LIPK: variants seen among roughly 807,000 people sequenced by gnomAD.
LIPK encodes lipase family member K.
LIPK carries 32 observed loss-of-function variants against 48.6 expected under a neutral mutation model. The ratio of observed to expected loss-of-function variants is 0.66; its 90% CI spans 0.50 to 0.88. The LOEUF is 0.88. Ranked by LOEUF, LIPK falls within the 40% of genes least tolerant of loss-of-function variation. LIPK has a pLI of 0.00. For synonymous variants in LIPK, 164 were observed against 157.4 expected (o/e 1.04, Z -0.32); for missense variants, 507 against 478.5 (o/e 1.06, Z -0.56).
At chr10:88,718,131 A>T (rs1842154715) in intron 1 of LIPK, among the ~76,000 whole-genome samples, 1 of 151,544 alleles carries the variant, frequency 6.6e-6, no homozygotes, top group Admixed American at 6.6e-5. Flanking sequence ...ACATTCCCAC[A>T]TTTCTTTTCC....
intron 7 of LIPK, among the ~76,000 whole-genome samples, chr10:88,739,064 T>C (rs1437232050): frequency 3.3e-5 from 5 of 152,366 alleles, no homozygotes; most frequent in Non-Finnish European, 7.3e-5. Flanking sequence ...TAAAAAATAG[T>C]GCAATTGAAA....
intron 9 of LIPK, among the ~76,000 whole-genome samples, chr10:88,750,501 A>C (rs1049513411): frequency 1.3e-5 from 2 of 152,142 alleles, no homozygotes; most frequent in Admixed American, 6.6e-5. Context: ...CCTTTGCAGC[A>C]ATGTGGATGC....
intron 1 of LIPK, among the ~76,000 whole-genome samples, chr10:88,707,518 T>C (rs976436837): frequency 1.3e-5 from 2 of 152,172 alleles, no homozygotes; most frequent in Admixed American, 1.3e-4. Context: ...ACATGTGAAA[T>C]ATAATGCTCT....
intron 9 of LIPK, among the ~76,000 whole-genome samples, chr10:88,747,787 G>A (rs1280240051): frequency 1.3e-5 from 2 of 152,140 alleles, no homozygotes; most frequent in African/African-American, 4.8e-5. Flanking sequence ...GGAGAAATAG[G>A]AACACTTTTA....
intron 4 of LIPK, among the ~76,000 whole-genome samples, chr10:88,731,667 C>T (rs750628169): frequency 5.9e-5 from 9 of 152,218 alleles, no homozygotes; most frequent in Non-Finnish European, 1.3e-4. Context: ...AATTCTATGC[C>T]ATAGTCCATT....
chr10:88,732,993 A>C (rs1284909498), intron 6 of LIPK, among the ~76,000 whole-genome samples: 1 of 152,236 alleles, frequency 6.6e-6, no homozygotes, highest in African/African-American at 2.4e-5. Flanking sequence ...CTTCATCTGT[A>C]ATGTGGGGAT....
At chr10:88,721,849 TC>T (rs1441864700) in intron 1 of LIPK, among the ~76,000 whole-genome samples, 2 of 152,208 alleles carry the variant, frequency 1.3e-5, no homozygotes, top group Non-Finnish European at 2.9e-5. Flanking sequence ...TTTACACATT[TC>T]CCTACTACTT....
At chr10:88,716,356 C>CTTTTTTTTTTT (rs11374780) in intron 1 of LIPK, among the ~76,000 whole-genome samples, 1 of 120,338 alleles carries the variant, frequency 8.3e-6, no homozygotes, top group African/African-American at 3.1e-5. Context: ...AGGAAAATTT[C>CTTTTTTTTTTT]TTTTTTTTTT....
intron 8 of LIPK, 107 bp downstream of exon 8, chr10:88,740,174 C>A: frequency 1.6e-6 from 1 of 620,050 alleles, no homozygotes; most frequent in Non-Finnish European, 2.7e-6. Flanking sequence ...GCCACTGCCA[C>A]ATTGATGTTT....
intron 1 of LIPK, among the ~76,000 whole-genome samples, chr10:88,719,466 A>C (rs1590134330): frequency 6.6e-6 from 1 of 152,244 alleles, no homozygotes; most frequent in Non-Finnish European, 1.5e-5. Context: ...TGACAGCTGC[A>C]TTCTCATGGC....
intron 3 of LIPK, among the ~76,000 whole-genome samples, chr10:88,730,664 T>A (rs1842446826): frequency 6.6e-6 from 1 of 152,188 alleles, no homozygotes; most frequent in South Asian, 2.1e-4. Context: ...TTATTATTAT[T>A]TCCCATTATA....
At chr10:88,738,641 C>T (rs1842621556) in intron 7 of LIPK, among the ~76,000 whole-genome samples, 1 of 152,164 alleles carries the variant, frequency 6.6e-6, no homozygotes, top group Admixed American at 6.5e-5. Context: ...GCAGGCAGAG[C>T]TGAGTAAAAA....
intron 3 of LIPK, chr10:88,728,714 C>T: frequency 3.1e-6 from 1 of 322,264 alleles, no homozygotes; most frequent in Non-Finnish European, 6.2e-6. Context: ...GGAAGACAAG[C>T]AGTGGCTACC....
chr10:88,724,893 AG>A (rs1427423351), intron 2 of LIPK, among the ~76,000 whole-genome samples: 3 of 152,176 alleles, frequency 2.0e-5, no homozygotes, highest in Admixed American at 2.0e-4. Flanking sequence ...CCTAAAGAGA[AG>A]TTTCATGACT....
intron 1 of LIPK, among the ~76,000 whole-genome samples, chr10:88,721,172 A>G (rs1842218854): frequency 6.6e-6 from 1 of 152,034 alleles, no homozygotes; most frequent in Admixed American, 6.6e-5. Flanking sequence ...ATAAGGATAT[A>G]TGATATTATA....
At chr10:88,752,413 C>A in intron 9 of LIPK, 104 bp from the exon 10 acceptor site, 1 of 754,816 alleles carries the variant, frequency 1.3e-6, no homozygotes, top group Non-Finnish European at 2.1e-6. Flanking sequence ...ACTAATTGTA[C>A]ACTTGTAGCA....
At chr10:88,713,538 T>C (rs1175781375) in intron 1 of LIPK, among the ~76,000 whole-genome samples, 1 of 152,224 alleles carries the variant, frequency 6.6e-6, no homozygotes, top group East Asian at 1.9e-4. Flanking sequence ...CAATTGCTTT[T>C]TAAATATTAG....
intron 3 of LIPK, among the ~76,000 whole-genome samples, chr10:88,729,151 G>A (rs1842410302): frequency 1.4e-5 from 2 of 144,774 alleles, no homozygotes; most frequent in Admixed American, 7.4e-5. Context: ...GGTATCCTCA[G>A]GAATCTCTGC....
chr10:88,732,381 G>A lies in LIPK; in HGVS notation c.533-34G>A, dbSNP rs112047588. The A allele has an allele frequency of 9.1e-5, 145 of 1,597,264 alleles. 10 individuals are homozygous for A. The African/African-American group carries it at 1.1e-3, about 12-fold the overall frequency. ...ACTTAAAATGAACAAATAATTATCTGAAAACTATGAACTACTGTCTTCTTC... is the reference window on the plus strand; with the variant it reads ...ACTTAAAATGAACAAATAATTATCTAAAAACTATGAACTACTGTCTTCTTC... On this transcript the variant is annotated intron_variant, in intron 5 of 9. Coordinates refer to ENST00000404190, the MANE Select transcript of LIPK (RefSeq NM_001080518.2).
Sources: gnomAD v4.1 joint callset for allele counts (sites outside exome capture counted in the v4.1 genomes callset) on GRCh38, gnomAD v4.1.1 for gene constraint, MANE v1.5 for transcripts, NCBI Gene and HGNC (gene_info 2026-07-23, HGNC 2026-07-21) for gene names.